The following YIPF6 variants were observed in gnomAD, a reference collection of about 807,000 sequenced individuals.
YIPF6 encodes the protein Yip1 domain family member 6.
YIPF6 carries 3 observed loss-of-function variants against 16.8 expected under a neutral mutation model. The observed-to-expected ratio is 0.18, with a 90% CI of 0.08 to 0.46. The LOEUF (loss-of-function observed/expected upper bound fraction) is 0.46. Among genes scored for constraint, YIPF6 ranks in the 20% least tolerant of loss-of-function variants. The pLI is 0.98. For synonymous variants in YIPF6, 67 were observed against 61.9 expected (o/e 1.08, Z -0.38); for missense variants, 145 against 184.9 (o/e 0.78, Z 1.25).
chrX:68,513,339 A>C lies in YIPF6; in HGVS notation c.199A>C (p.Lys67Gln), dbSNP rs777758292. ...TTCTGTCTTTCAGATGCGTGATCTA[A>C]AAGCTGTTGGGAAAAAATTCATGCA... ...SVRNTIMRDL[K>Q]AVGKKFMHVL... is the part of the protein sequence containing the mutation. The change falls in exon 3 of 7, where the codon AAA becomes CAA. Residue 67 changes from lysine to glutamine, a missense_variant. Lys to Gln is a moderately conservative substitution (Grantham distance 53). Coordinates refer to ENST00000462683, the MANE Select transcript of YIPF6 (RefSeq NM_173834.4). The C allele has an allele frequency of 4.1e-6, 5 of 1,205,302 alleles. No homozygotes were observed. In the African/African-American group the frequency reaches 8.8e-5, roughly 21 times the overall value.
In YIPF6 at chrX:68,537,212, ATAAT is replaced by A. The variant is rs780152198; in HGVS notation, c.*5214_*5217del. 8.9e-6 allele frequency: 1 copy of A among 112,190 alleles called. No homozygotes were observed. Among genetic ancestry groups the A allele is most frequent in the Non-Finnish European group, 1.9e-5 (1 of 53,308 alleles). 9.2% of individuals were successfully genotyped at this position (112,190 alleles called of 1,213,427 possible). A position where few individuals can be genotyped will look rare whatever the true frequency, so the allele number is the denominator to read the frequency against. ...TTTTAATCTTGATTTTTTTCTATAA[ATAAT>A]AAATCTGTGAAAAATCTGTAAAAAG... is the stretch of plus-strand genomic sequence containing the variant. On this transcript the variant is annotated 3_prime_UTR_variant, in exon 7 of 7. Coordinates refer to ENST00000462683, the MANE Select transcript of YIPF6 (RefSeq NM_173834.4).
rs763172726 is a variant in YIPF6, at chrX:68,523,628, C to T, written c.592+711C>T. ...GCTATGTGCTCATTGTTTTTATATT[C>T]CTAAAGTTCTCTTAAGATTCCAGCT... On this transcript the variant is annotated intron_variant, in intron 6 of 6. Coordinates refer to ENST00000462683, the MANE Select transcript of YIPF6 (RefSeq NM_173834.4). 9.8e-5 allele frequency among the ~76,000 whole-genome samples: 11 copies of T among 112,252 alleles called. No homozygotes were observed. In the South Asian group the frequency reaches 4.0e-3, roughly 41 times the overall value.
intron 1 of YIPF6, among the ~76,000 whole-genome samples, chrX:68,507,899 G>A (rs767357029): frequency 9.1e-6 from 1 of 110,217 alleles, no homozygotes; most frequent in African/African-American, 3.3e-5. Flanking sequence ...CCACCATGCC[G>A]GCCTTTTATT....
At chrX:68,530,390 A>G (rs1353568320) in intron 6 of YIPF6, among the ~76,000 whole-genome samples, 2 of 111,198 alleles carry the variant, frequency 1.8e-5, no homozygotes, top group Non-Finnish European at 3.8e-5. Context: ...AGTGGATCTT[A>G]GCTTGCTGGG....
At position 68,533,244 on chromosome X, in the gene YIPF6, G is replaced by C. The variant is rs189900858; in HGVS notation, c.*1245G>C. On this transcript the variant is annotated 3_prime_UTR_variant, in exon 7 of 7. Coordinates refer to ENST00000462683, the MANE Select transcript of YIPF6 (RefSeq NM_173834.4). The stretch of plus-strand genomic sequence containing the variant: ...ACATGTGCACCTACTTGTAATCTCA[G>C]ATATTTATGCACACAAGTGTGAAGG... The C allele has an allele frequency of 1.8e-4, 20 of 111,777 alleles. No homozygotes were observed. Among genetic ancestry groups the C allele is most frequent in the Admixed American group, 1.7e-3 (18 of 10,487 alleles). 9.2% of individuals were successfully genotyped at this position (111,777 alleles called of 1,213,427 possible).
At chrX:68,510,814 G>T (rs2079078359) in intron 1 of YIPF6, 1 of 111,392 alleles carries the variant, frequency 9.0e-6, no homozygotes, top group Non-Finnish European at 1.9e-5. Flanking sequence ...TGTATTTTTA[G>T]TAGAGATGGG....
intron 2 of YIPF6, among the ~76,000 whole-genome samples, chrX:68,512,713 G>A (rs776422345): frequency 4.5e-4 from 50 of 111,149 alleles, no homozygotes; most frequent in Non-Finnish European, 7.9e-4. Flanking sequence ...TATAAATTAT[G>A]TTTACAAAGT....
intron 1 of YIPF6, among the ~76,000 whole-genome samples, chrX:68,505,532 G>A (rs2079056549): frequency 8.9e-6 from 1 of 112,405 alleles, no homozygotes; most frequent in Non-Finnish European, 1.9e-5. Flanking sequence ...CACAATGTCA[G>A]TAAAGTGGTG....
intron 3 of YIPF6, among the ~76,000 whole-genome samples, chrX:68,516,509 T>C (rs951068541): frequency 8.1e-5 from 9 of 111,566 alleles, no homozygotes; most frequent in African/African-American, 2.9e-4. Flanking sequence ...TTGAATTCAG[T>C]TTTTAAGTTG....
rs1486821632 is a variant in YIPF6, at chrX:68,534,183, G to A, written c.*2184G>A. 3.6e-5 allele frequency: 4 copies of A among 111,892 alleles called. No homozygotes were observed. Among genetic ancestry groups the A allele is most frequent in the Non-Finnish European group, 7.5e-5 (4 of 53,181 alleles). 9.2% of individuals were successfully genotyped at this position (111,892 alleles called of 1,213,427 possible). ...CTTGCAGTTGTAGCATTTACCCCAA[G>A]ATAACTTTGCCTACGAAATATTTCG... On this transcript the variant is annotated 3_prime_UTR_variant, in exon 7 of 7. Coordinates refer to ENST00000462683, the MANE Select transcript of YIPF6 (RefSeq NM_173834.4).
intron 4 of YIPF6, among the ~76,000 whole-genome samples, chrX:68,521,170 G>A (rs148779050): frequency 1.8e-3 from 198 of 111,477 alleles, no homozygotes; most frequent in African/African-American, 6.0e-3. Flanking sequence ...AGCACCCCTT[G>A]TAGTCCTGAG....
chrX:68,499,303 C>T, intron 1 of YIPF6, 180 bp downstream of exon 1: 1 of 551,831 alleles, frequency 1.8e-6, no homozygotes, highest in Non-Finnish European at 2.7e-6. Flanking sequence ...CCGCTTTGCC[C>T]CCTGCCCTCG....
intron 4 of YIPF6, among the ~76,000 whole-genome samples, chrX:68,519,902 A>AT (rs1202782911): frequency 1.8e-5 from 2 of 111,421 alleles, no homozygotes; most frequent in African/African-American, 3.3e-5. Flanking sequence ...GAGCATATAT[A>AT]TTTTTTTTAC....
chrX:68,503,388 G>T (rs890887872), intron 1 of YIPF6, among the ~76,000 whole-genome samples: 2 of 111,935 alleles, frequency 1.8e-5, no homozygotes, highest in Non-Finnish European at 3.8e-5. Context: ...CTATATATGT[G>T]CAAGAGCCTG....
chrX:68,511,966 C>T lies in YIPF6; in HGVS notation c.175C>T (p.Arg59Cys), dbSNP rs776029090. 2.5e-6 allele frequency: 3 copies of T among 1,207,274 alleles called. No individual in the cohort carries two copies. Among genetic ancestry groups the T allele is most frequent in the Non-Finnish European group, 1.1e-6 (1 of 894,028 alleles). Residue 59 changes from arginine (R) to cysteine (C), a missense_variant, in exon 2 of 7, where the codon CGC becomes TGC. Coordinates refer to ENST00000462683, the MANE Select transcript of YIPF6 (RefSeq NM_173834.4). ...CAGCTCCACATTAAATGAATCTGTT[C>T]GCAATACCATCGTAAGTTAGACTAG... ...FDSSTLNESV[R>C]NTIMRDLKAV...
intron 1 of YIPF6, among the ~76,000 whole-genome samples, chrX:68,506,261 AAATTGGATCCCCATATACACCTTCAAC>A (rs1230192300): frequency 9.0e-6 from 1 of 110,979 alleles, no homozygotes; most frequent in Non-Finnish European, 1.9e-5. Context: ...AAGAAAAGGT[AAATTGGATCCCCATATACACCTTCAAC>A]AATTATCTAC....
chrX:68,505,863 C>T (rs1197892860), intron 1 of YIPF6, among the ~76,000 whole-genome samples: 2 of 111,721 alleles, frequency 1.8e-5, no homozygotes, highest in Non-Finnish European at 3.8e-5. Context: ...CTAATGCTAA[C>T]GTTGTACATA....
At chrX:68,517,585 C>T (rs2079108227) in intron 3 of YIPF6, among the ~76,000 whole-genome samples, 1 of 112,123 alleles carries the variant, frequency 8.9e-6, no homozygotes, top group Non-Finnish European at 1.9e-5. Flanking sequence ...TGTTTTTTCA[C>T]CTAGAAGAAT....
At chrX:68,506,980 T>G (rs1181031026) in intron 1 of YIPF6, among the ~76,000 whole-genome samples, 1 of 112,227 alleles carries the variant, frequency 8.9e-6, no homozygotes, top group Admixed American at 9.5e-5. Flanking sequence ...ATTAATAACT[T>G]CTTAATATAT....
Sources: gnomAD v4.1 joint callset for allele counts (sites outside exome capture counted in the v4.1 genomes callset) on GRCh38, gnomAD v4.1.1 for gene constraint, MANE v1.5 for transcripts, NCBI Gene and HGNC (gene_info 2026-07-23, HGNC 2026-07-21) for gene names.